Variants in ST18 observed in about 807,000 individuals in gnomAD.
The protein encoded by ST18 is ST18 C2H2C-type zinc finger transcription factor.
Under a neutral mutation model 110.0 loss-of-function variants are expected in ST18, and 50 were observed. That is an observed-to-expected ratio of 0.45 (90% CI 0.36 to 0.58). ST18 has a LOEUF of 0.58. Among genes scored for constraint, ST18 ranks in the 20% least tolerant of loss-of-function variants. ST18 has a pLI of 0.00. For synonymous variants in ST18, 461 were observed against 452.4 expected (o/e 1.02, Z -0.24); for missense variants, 1,306 against 1,280.1 (o/e 1.02, Z -0.31).
At chr8:52,151,045 A>G (rs2058687835) in intron 15 of ST18, 1 of 152,166 alleles carries the variant, frequency 6.6e-6, no homozygotes, top group Non-Finnish European at 1.5e-5. Context: ...ATCATCCATC[A>G]ATTTAAAATT....
At position 52,358,516 on chromosome 8, in the gene ST18, ATTGC is replaced by A. The variant is rs1824189446; in HGVS notation, c.-465+50808_-465+50811del. 2.0e-5 allele frequency among the ~76,000 whole-genome samples: 3 copies of A among 152,056 alleles called. No individual in the cohort carries two copies. The South Asian group carries it at 6.2e-4, about 31-fold the overall frequency. On this transcript the variant is annotated intron_variant, in intron 2 of 25. Transcript: ENST00000689386. ...TAAAACCACAAATAAAAGTGGAACTATTGCTACTAACTTTATAGAAATAAAAAGA... is the reference window on the plus strand; with the variant it reads ...TAAAACCACAAATAAAAGTGGAACTATACTAACTTTATAGAAATAAAAAGA...
Position 52,358,437 on chromosome 8 carries a change from T to C in ST18, c.-465+50891A>G, listed in dbSNP as rs147434004. 6.2e-4 allele frequency among the ~76,000 whole-genome samples: 94 copies of C among 151,862 alleles called. No homozygotes were observed. The East Asian group carries it at 0.015, about 25-fold the overall frequency. On this transcript the variant is annotated intron_variant, in intron 2 of 25. Transcript: ENST00000689386. The stretch of plus-strand genomic sequence containing the variant: ...GTTTCTTTTAAAAAGGGAAAAAAAT[T>C]GATAAACTTTTAGCTAGATTGACAA...
intron 23 of ST18, among the ~76,000 whole-genome samples, chr8:52,125,562 C>T (rs914215243): frequency 1.3e-5 from 2 of 152,126 alleles, no homozygotes; most frequent in African/African-American, 2.4e-5. Context: ...TATCTCACTA[C>T]ATCAGCCTCG....
At chr8:52,262,230 G>A (rs1004292664) in intron 2 of ST18, among the ~76,000 whole-genome samples, 2 of 152,200 alleles carry the variant, frequency 1.3e-5, no homozygotes, top group Non-Finnish European at 2.9e-5. Context: ...GAGCCCTAAT[G>A]ATCCAATTGC....
intron 2 of ST18, among the ~76,000 whole-genome samples, chr8:52,242,279 C>T (rs942535292): frequency 1.3e-5 from 2 of 152,172 alleles, no homozygotes; most frequent in Non-Finnish European, 2.9e-5. Flanking sequence ...AGCAACTGAG[C>T]CTTCTTTCAA....
At chr8:52,350,878 G>T (rs542336480) in intron 2 of ST18, among the ~76,000 whole-genome samples, 1 of 151,898 alleles carries the variant, frequency 6.6e-6, no homozygotes, top group Non-Finnish European at 1.5e-5. Flanking sequence ...GTGCCACCAC[G>T]CCCAGCTAAT....
intron 9 of ST18, among the ~76,000 whole-genome samples, chr8:52,177,515 T>C (rs986027807): frequency 2.0e-5 from 3 of 152,052 alleles, no homozygotes; most frequent in African/African-American, 7.3e-5. Flanking sequence ...GGGCACTAAC[T>C]CAGTGCTCTT....
intron 2 of ST18, among the ~76,000 whole-genome samples, chr8:52,287,255 T>C (rs1164997068): frequency 6.6e-6 from 1 of 152,202 alleles, no homozygotes; most frequent in Non-Finnish European, 1.5e-5. Context: ...TACCAAAGGT[T>C]TTGCAAGCGT....
At position 52,244,469 on chromosome 8, in the gene ST18, A is replaced by G. The variant is rs145161450; in HGVS notation, c.-464-14392T>C. Among the ~76,000 whole-genome samples the G allele has an allele frequency of 1.8e-4, 28 of 152,344 alleles. No individual in the cohort carries two copies. In the East Asian group the frequency reaches 5.4e-3, roughly 29 times the overall value. On this transcript the variant is annotated intron_variant, in intron 2 of 25. Transcript: ENST00000689386. ...TAGAGTTGGAACCTGCCTTTCAGGA[A>G]TGAAATGACAGAGCTATAATCCCTA...
chr8:52,143,098 G>GA, intron 16 of ST18, 53 bp from the exon 17 acceptor site: 1 of 1,134,300 alleles, frequency 8.8e-7, no homozygotes, highest in Non-Finnish European at 1.3e-6. Flanking sequence ...GGGAACCCTG[G>GA]AAAGACAACT....
chr8:52,250,317 T>A (rs2094188467), intron 2 of ST18, among the ~76,000 whole-genome samples: 1 of 151,462 alleles, frequency 6.6e-6, no homozygotes. Flanking sequence ...CACAGAACTA[T>A]CTCCTTTTGC....
intron 2 of ST18, among the ~76,000 whole-genome samples, chr8:52,314,813 C>A (rs1449922543): frequency 6.6e-6 from 1 of 152,170 alleles, no homozygotes; most frequent in African/African-American, 2.4e-5. Flanking sequence ...CTCCAGATCC[C>A]TGGGGCAGCA....
At chr8:52,372,244 A>T (rs1421492464) in intron 2 of ST18, among the ~76,000 whole-genome samples, 1 of 152,220 alleles carries the variant, frequency 6.6e-6, no homozygotes, top group African/African-American at 2.4e-5. Context: ...TAAAAAATTT[A>T]AAAATAGAAA....
chr8:52,193,464 G>A (rs2135027972), intron 8 of ST18, among the ~76,000 whole-genome samples: 1 of 152,332 alleles, frequency 6.6e-6, no homozygotes, highest in Non-Finnish European at 1.5e-5. Flanking sequence ...ACTCTGAAGA[G>A]GAATCTATCA....
At chr8:52,176,074 T>G (rs936544980) in intron 9 of ST18, among the ~76,000 whole-genome samples, 2 of 151,706 alleles carry the variant, frequency 1.3e-5, no homozygotes, top group African/African-American at 4.8e-5. Context: ...CAGGCTGGAG[T>G]GCAGTGGCTC....
At chr8:52,376,899 G>A (rs1832615688) in intron 2 of ST18, among the ~76,000 whole-genome samples, 1 of 152,152 alleles carries the variant, frequency 6.6e-6, no homozygotes, top group South Asian at 2.1e-4. Context: ...ACTTTGATGG[G>A]TCCAAGATTT....
chr8:52,251,345 T>A (rs950065900), intron 2 of ST18, among the ~76,000 whole-genome samples: 1 of 152,250 alleles, frequency 6.6e-6, no homozygotes, highest in South Asian at 2.1e-4. Flanking sequence ...AGAATTTGTA[T>A]ATAATATATA....
At position 52,111,069 on chromosome 8, in the gene ST18, C is replaced by T. The variant is rs1563429468; in HGVS notation, c.*2129G>A. ...CAAATTCAGTGCACATTACAAAACA[C>T]ATCAAGTACAAAGTAGGCAAATAAA... On this transcript the variant is annotated 3_prime_UTR_variant, in exon 26 of 26. Transcript: ENST00000689386. The T allele has an allele frequency of 2.5e-6, 1 of 398,430 alleles. No individual in the cohort carries two copies. Among genetic ancestry groups the T allele is most frequent in the Non-Finnish European group, 4.4e-6 (1 of 225,806 alleles). The allele number at this position is 398,430 out of a possible 1,614,324, so 24.7% of individuals were successfully genotyped here.
chr8:52,113,736 C>T (rs1429421356), intron 25 of ST18, among the ~76,000 whole-genome samples: 5 of 152,100 alleles, frequency 3.3e-5, no homozygotes, highest in Admixed American at 3.3e-4. Context: ...GTTGCTTGTA[C>T]TAAGTGGTGC....
Sources: gnomAD v4.1 joint callset for allele counts (sites outside exome capture counted in the v4.1 genomes callset) on GRCh38, gnomAD v4.1.1 for gene constraint, MANE v1.5 for transcripts, NCBI Gene and HGNC (gene_info 2026-07-23, HGNC 2026-07-21) for gene names.